SGCD: variants seen among roughly 807,000 people sequenced by gnomAD.
SGCD encodes the protein delta-sarcoglycan.
A neutral mutation model predicts 36.6 loss-of-function variants in SGCD; 18 were observed. The ratio of observed to expected loss-of-function variants is 0.49; its 90% confidence interval spans 0.34 to 0.73. The LOEUF (loss-of-function observed/expected upper bound fraction) is 0.73. Among genes scored for constraint, SGCD ranks in the 30% least tolerant of loss-of-function variants. SGCD has a pLI of 0.01. For synonymous variants in SGCD, 133 were observed against 130.6 expected (o/e 1.02, Z -0.12); for missense variants, 387 against 346.7 (o/e 1.12, Z -0.92).
chr5:156,480,788 A>G (rs1183501856), intron 3 of SGCD, among the ~76,000 whole-genome samples: 1 of 152,244 alleles, frequency 6.6e-6, no homozygotes, highest in Non-Finnish European at 1.5e-5. Flanking sequence ...TTCTCTAGAA[A>G]ACTCTAAAAG....
intron 1 of SGCD, among the ~76,000 whole-genome samples, chr5:156,039,275 A>T (rs1158975409): frequency 6.9e-6 from 1 of 145,132 alleles, no homozygotes; most frequent in Non-Finnish European, 1.5e-5. Context: ...GCATACTATT[A>T]ATATATGCAT....
chr5:156,393,465 T>C (rs1771688053), intron 3 of SGCD, among the ~76,000 whole-genome samples: 1 of 152,212 alleles, frequency 6.6e-6, no homozygotes, highest in Non-Finnish European at 1.5e-5. Context: ...AGATAATAAA[T>C]ACTCAAAACT....
intron 1 of SGCD, among the ~76,000 whole-genome samples, chr5:155,889,861 T>C (rs2113312691): frequency 6.6e-6 from 1 of 152,148 alleles, no homozygotes; most frequent in East Asian, 1.9e-4. Flanking sequence ...GCCCTATTCC[T>C]TGGGCTGGTT....
intron 1 of SGCD, among the ~76,000 whole-genome samples, chr5:155,871,397 T>C (rs1755653132): frequency 6.6e-6 from 1 of 152,184 alleles, no homozygotes; most frequent in South Asian, 2.1e-4. Flanking sequence ...GCCGAAGTCC[T>C]TATTTAATTC....
chr5:156,628,247 C>T (rs1309644522), intron 6 of SGCD, among the ~76,000 whole-genome samples: 1 of 152,164 alleles, frequency 6.6e-6, no homozygotes, highest in Non-Finnish European at 1.5e-5. Flanking sequence ...ATGATCCAGG[C>T]ACCTTTCACC....
intron 1 of SGCD, among the ~76,000 whole-genome samples, chr5:156,051,751 A>T (rs1228827197): frequency 6.9e-6 from 1 of 145,844 alleles, no homozygotes; most frequent in African/African-American, 2.5e-5. Context: ...ATAGTGCAAT[A>T]GGAAGGCTTA....
the SGCD span, among the ~76,000 whole-genome samples, chr5:155,734,183 A>T: frequency 3.4e-5 from 5 of 147,648 alleles, no homozygotes; most frequent in African/African-American, 7.4e-5. Flanking sequence ...TAATAATATT[A>T]CTGTTATTAA....
At chr5:155,917,234 C>CAG (rs1183024274) in intron 1 of SGCD, among the ~76,000 whole-genome samples, 1 of 152,142 alleles carries the variant, frequency 6.6e-6, no homozygotes, top group Non-Finnish European at 1.5e-5. Flanking sequence ...TTTTCACTTA[C>CAG]TACTACCTAA....
the SGCD span, among the ~76,000 whole-genome samples, chr5:155,820,786 T>TCC: frequency 6.6e-6 from 1 of 152,172 alleles, no homozygotes; most frequent in African/African-American, 2.4e-5. Flanking sequence ...TGTGGTTATA[T>TCC]CCCCTGAACA....
At chr5:156,650,463 AG>A (rs1763417001) in intron 7 of SGCD, among the ~76,000 whole-genome samples, 1 of 152,050 alleles carries the variant, frequency 6.6e-6, no homozygotes, top group Non-Finnish European at 1.5e-5. Context: ...AATACCCAAT[AG>A]GTAGTTTTTC....
chr5:155,885,788 C>G (rs1218758217), intron 1 of SGCD, among the ~76,000 whole-genome samples: 1 of 152,124 alleles, frequency 6.6e-6, no homozygotes, highest in Non-Finnish European at 1.5e-5. Flanking sequence ...AATCTTCAAA[C>G]CATGTATTCC....
intron 3 of SGCD, among the ~76,000 whole-genome samples, chr5:156,170,505 T>C (rs1251754241): frequency 1.3e-5 from 2 of 152,162 alleles, no homozygotes; most frequent in Non-Finnish European, 2.9e-5. Context: ...AAGAATGGGA[T>C]GACAAAAAGA....
chr5:156,073,274 C>G (rs544368574), intron 1 of SGCD, among the ~76,000 whole-genome samples: 67 of 152,254 alleles, frequency 4.4e-4, no homozygotes, highest in Admixed American at 3.2e-3. Flanking sequence ...ATATCATACT[C>G]TCTCACCCAG....
At chr5:155,878,243 C>T (rs1561635583) in intron 1 of SGCD, among the ~76,000 whole-genome samples, 3 of 152,074 alleles carry the variant, frequency 2.0e-5, no homozygotes, top group Admixed American at 6.6e-5. Context: ...AGTTAGGTTC[C>T]AAAGTTAGTT....
the SGCD span, among the ~76,000 whole-genome samples, chr5:155,782,197 G>A: frequency 6.6e-6 from 1 of 151,780 alleles, no homozygotes; most frequent in South Asian, 2.1e-4. Flanking sequence ...GCTAATTTTT[G>A]TATTTTCAGT....
intron 6 of SGCD, among the ~76,000 whole-genome samples, chr5:156,595,853 C>T (rs1391873144): frequency 6.6e-6 from 1 of 152,176 alleles, no homozygotes; most frequent in African/African-American, 2.4e-5. Context: ...AAAATATTTG[C>T]AGAAATTTCT....
At chr5:156,653,620 C>T (rs1244836574) in intron 7 of SGCD, among the ~76,000 whole-genome samples, 1 of 149,422 alleles carries the variant, frequency 6.7e-6, no homozygotes, top group African/African-American at 2.5e-5. Context: ...ATAGGAGTAT[C>T]TCTGACCAAT....
At chr5:156,605,920 A>C (rs1267007888) in intron 6 of SGCD, among the ~76,000 whole-genome samples, 1 of 152,066 alleles carries the variant, frequency 6.6e-6, no homozygotes. Context: ...AATTTGTTGG[A>C]GTTCATTGCA....
At chr5:156,165,760 A>G (rs1763197958) in intron 3 of SGCD, among the ~76,000 whole-genome samples, 1 of 152,220 alleles carries the variant, frequency 6.6e-6, no homozygotes, top group Non-Finnish European at 1.5e-5. Context: ...ACACTATTTT[A>G]GGAAGAAATG....
Sources: allele counts gnomAD v4.1 joint callset (sites outside exome capture counted in the v4.1 genomes callset), GRCh38; gene constraint gnomAD v4.1.1; transcripts MANE v1.5; gene names NCBI Gene and HGNC (gene_info 2026-07-23, HGNC 2026-07-21).